CCDC30: variants seen among roughly 807,000 people sequenced by gnomAD.
CCDC30 encodes the protein coiled-coil domain containing 30, also known as coiled-coil domain-containing protein 30.
Under a neutral mutation model 100.2 loss-of-function variants are expected in CCDC30, and 70 were observed. The observed-to-expected ratio is 0.70, with a 90% CI of 0.58 to 0.85. The LOEUF is 0.85. CCDC30 is among the 40% of genes least tolerant of loss of function. The pLI is 0.00. For synonymous variants in CCDC30, 233 were observed against 269.5 expected (o/e 0.86, Z 1.33); for missense variants, 652 against 771.2 (o/e 0.85, Z 1.83).
chr1:42,481,147 C>A (rs1643950792), intron 2 of CCDC30, among the ~76,000 whole-genome samples: 1 of 150,756 alleles, frequency 6.6e-6, no homozygotes, highest in Admixed American at 6.6e-5. Context: ...TAAGAATTAT[C>A]AAATTATGCA....
upstream of CCDC30, chr1:42,459,629 G>T (rs1224228153): frequency 1.9e-6 from 3 of 1,613,742 alleles, no homozygotes; most frequent in Non-Finnish European, 2.5e-6. Flanking sequence ...TGCCAAAACT[G>T]CTTTCTCCTT....
intron 1 of CCDC30, chr1:42,473,087 G>T: frequency 2.5e-6 from 3 of 1,223,608 alleles, no homozygotes; most frequent in Non-Finnish European, 3.1e-6. Flanking sequence ...GTGTGTGTGT[G>T]TGTTCATATA....
At position 42,628,478 on chromosome 1, in the gene CCDC30, G is replaced by A. The variant is rs576136961; in HGVS notation, c.1278-8759G>A. Among the ~76,000 whole-genome samples, 17 of 152,184 alleles carry A rather than the reference G, an allele frequency of 1.1e-4. No homozygotes were observed. In the South Asian group the frequency reaches 2.1e-3, roughly 19 times the overall value. ...TGAGGACATGAGATTTGGAGGGGCC[G>A]GGGCAGAATGATATGGTTTGGCTTT... On this transcript the variant is annotated intron_variant, in intron 11 of 16. Transcript: ENST00000668663.
chr1:42,469,036 T>C (rs1643680221), intron 1 of CCDC30, among the ~76,000 whole-genome samples: 1 of 151,056 alleles, frequency 6.6e-6, no homozygotes, highest in Admixed American at 6.6e-5. Context: ...AAAAAAAAAC[T>C]TTCAGGGAAG....
intron 1 of CCDC30, among the ~76,000 whole-genome samples, chr1:42,475,570 G>T (rs1244049499): frequency 3.9e-5 from 6 of 152,092 alleles, no homozygotes; most frequent in African/African-American, 1.2e-4. Context: ...GAAAATTTGA[G>T]AAATGTATGC....
At chr1:42,613,531 G>A (rs1646666704) in intron 11 of CCDC30, among the ~76,000 whole-genome samples, 7 of 152,182 alleles carry the variant, frequency 4.6e-5, no homozygotes. Flanking sequence ...TGGGATTACA[G>A]GCGTGAGCCA....
intron 1 of CCDC30, among the ~76,000 whole-genome samples, chr1:42,469,401 G>T (rs1410543698): frequency 6.6e-6 from 1 of 152,156 alleles, no homozygotes; most frequent in African/African-American, 2.4e-5. Flanking sequence ...AAGGCAAAAT[G>T]CAGCAAGTGT....
intron 6 of CCDC30, chr1:42,556,283 G>A (rs1645367531): frequency 1.2e-6 from 2 of 1,614,060 alleles, no homozygotes; most frequent in Non-Finnish European, 1.7e-6. Flanking sequence ...TGAAGAAAAA[G>A]AACAGCAGTT....
At chr1:42,603,732 C>G (rs1646450310) in intron 10 of CCDC30, among the ~76,000 whole-genome samples, 1 of 152,144 alleles carries the variant, frequency 6.6e-6, no homozygotes, top group Non-Finnish European at 1.5e-5. Context: ...TTTCACAAAA[C>G]TAAATGTACT....
Position 42,523,151 on chromosome 1 carries a change from C to T in CCDC30, c.456+24235C>T, listed in dbSNP as rs77955626. Among the ~76,000 whole-genome samples the T allele has an allele frequency of 4.6e-3, 702 of 152,180 alleles. 4 individuals are homozygous for T. Among genetic ancestry groups the T allele is most frequent in the African/African-American group, 0.016 (667 of 41,526 alleles). ...AGCTAGTACTGGTTTTTATAATAGC[C>T]GGTGTATTTACTTTTACTGAGATCT... On this transcript the variant is annotated intron_variant, in intron 6 of 16. Transcript: ENST00000668663.
chr1:42,590,761 G>T (rs940752490), intron 10 of CCDC30: 6 of 151,940 alleles, frequency 3.9e-5, no homozygotes, highest in African/African-American at 1.2e-4. Context: ...ATGAAAGTTT[G>T]TAACTTCTTA....
intron 11 of CCDC30, among the ~76,000 whole-genome samples, chr1:42,634,875 G>A (rs953135220): frequency 6.6e-6 from 1 of 151,964 alleles, no homozygotes; most frequent in Non-Finnish European, 1.5e-5. Flanking sequence ...ACCAGACTAG[G>A]CAACCACTAA....
intron 6 of CCDC30, among the ~76,000 whole-genome samples, chr1:42,543,496 T>C (rs1173537734): frequency 6.6e-6 from 1 of 151,898 alleles, no homozygotes; most frequent in African/African-American, 2.4e-5. Context: ...AATTTTTCTA[T>C]TTTTAGTAGA....
rs112119851 is a variant in CCDC30 at position 42,539,167 on chromosome 1, A to T, written c.457-27129A>T. ...ATTCTACTAAATGTCTTCATTTCTTAATCAGGAATTGCAAAAATCAAAGTC... is the reference window on the plus strand; with the variant it reads ...ATTCTACTAAATGTCTTCATTTCTTTATCAGGAATTGCAAAAATCAAAGTC... On this transcript the variant is annotated intron_variant, in intron 6 of 16. Coordinates refer to ENST00000668663, the Ensembl canonical transcript of CCDC30. The T allele has an allele frequency of 1.9e-5, 29 of 1,561,698 alleles. 1 individual carries two copies. In the African/African-American group the frequency reaches 2.9e-4, roughly 16 times the overall value.
At chr1:42,611,511 A>T (rs987034943) in intron 11 of CCDC30, among the ~76,000 whole-genome samples, 5 of 151,806 alleles carry the variant, frequency 3.3e-5, no homozygotes, top group African/African-American at 1.2e-4. Flanking sequence ...ATATATAATG[A>T]TATACCTATT....
the CCDC30 span, chr1:42,457,272 T>A: frequency 6.2e-7 from 1 of 1,614,226 alleles, no homozygotes; most frequent in Non-Finnish European, 8.5e-7. Flanking sequence ...TTTACCTGGC[T>A]GCGGCTGTGT....
chr1:42,463,339 G>C (rs933540704), exon 1 of CCDC30: 2 of 152,242 alleles, frequency 1.3e-5, no homozygotes, highest in Non-Finnish European at 2.9e-5. Flanking sequence ...GAGCGCGTAG[G>C]GGCCGAGCGA....
At chr1:42,532,958 A>G (rs547819426) in intron 6 of CCDC30, among the ~76,000 whole-genome samples, 1 of 151,962 alleles carries the variant, frequency 6.6e-6, no homozygotes, top group South Asian at 2.1e-4. Context: ...TTTAGTAGAG[A>G]CGGCGTTTCA....
At chr1:42,457,063 C>T in the CCDC30 span, 1 of 1,596,454 alleles carries the variant, frequency 6.3e-7, no homozygotes. Context: ...CCCAGGCACT[C>T]AATCCGCTAG....
Sources: gnomAD v4.1 joint callset for allele counts (sites outside exome capture counted in the v4.1 genomes callset) on GRCh38, gnomAD v4.1.1 for gene constraint, MANE v1.5 for transcripts, NCBI Gene and HGNC (gene_info 2026-07-23, HGNC 2026-07-21) for gene names.